The following GPR158 variants were observed in gnomAD, a reference collection of about 807,000 sequenced individuals.
The protein encoded by GPR158 is metabotropic glycine receptor.
GPR158 carries 30 observed loss-of-function variants against 78.2 expected under a neutral mutation model. That is an observed-to-expected ratio of 0.38 (90% confidence interval 0.29 to 0.52). The LOEUF (loss-of-function observed/expected upper bound fraction) is 0.52, where lower values mean the gene tolerates loss of function less well. Ranked by LOEUF, GPR158 falls within the 20% of genes least tolerant of loss-of-function variation. The pLI is 0.83. For missense variants in GPR158, 1,463 were observed against 1,523.5 expected, an observed-to-expected ratio of 0.96 and a Z score of 0.66; for synonymous variants, 581 against 591.1, an observed-to-expected ratio of 0.98 and a Z score of 0.25.
intron 2 of GPR158, among the ~76,000 whole-genome samples, chr10:25,377,666 G>A (rs563476988): frequency 1.3e-4 from 19 of 151,838 alleles, no homozygotes; most frequent in Admixed American, 5.9e-4. Flanking sequence ...TTCACCTAGC[G>A]TACTTTTTTG....
chr10:25,514,697 G>C (rs998696616), intron 5 of GPR158, among the ~76,000 whole-genome samples: 1 of 152,136 alleles, frequency 6.6e-6, no homozygotes, highest in Non-Finnish European at 1.5e-5. Context: ...AGCAGTTCTT[G>C]TAGTGCTGGC....
intron 2 of GPR158, among the ~76,000 whole-genome samples, chr10:25,347,540 C>G (rs922892954): frequency 9.9e-5 from 15 of 152,098 alleles, no homozygotes; most frequent in African/African-American, 3.6e-4. Context: ...CATCATTATA[C>G]AAGCTATTTT....
chr10:25,520,908 C>G lies in GPR158; in HGVS notation c.1405-30068C>G, dbSNP rs377567125. Among the ~76,000 whole-genome samples the G allele has an allele frequency of 9.7e-3, 1,480 of 152,286 alleles. 118 individuals are homozygous for G. In the East Asian group the frequency reaches 0.14, roughly 15 times the overall value. On this transcript the variant is annotated intron_variant, in intron 5 of 10. Transcript: ENST00000376351. ...TGGGCTCCGCCCAGTTGGAGCTTCC[C>G]GGCTTCTTTGTTTACCTAAGCAAGC... is the stretch of plus-strand genomic sequence containing the variant.
chr10:25,493,498 T>TA (rs958889027), intron 5 of GPR158, among the ~76,000 whole-genome samples: 30 of 151,428 alleles, frequency 2.0e-4, no homozygotes, highest in South Asian at 1.0e-3. Flanking sequence ...GAGGGCTTTC[T>TA]AAAAAAAAAT....
chr10:25,289,547 C>A (rs1225000122), intron 2 of GPR158, among the ~76,000 whole-genome samples: 1 of 152,102 alleles, frequency 6.6e-6, no homozygotes, highest in Non-Finnish European at 1.5e-5. Context: ...ATTCTCCTGC[C>A]TCAGCCTCCC....
At chr10:25,583,085 G>A (rs1169478362) in intron 7 of GPR158, among the ~76,000 whole-genome samples, 1 of 152,214 alleles carries the variant, frequency 6.6e-6, no homozygotes, top group African/African-American at 2.4e-5. Context: ...GAGTGCAGCT[G>A]GAGAACGGAG....
At chr10:25,531,623 T>C (rs1165962501) in intron 5 of GPR158, among the ~76,000 whole-genome samples, 1 of 127,420 alleles carries the variant, frequency 7.8e-6, no homozygotes, top group Non-Finnish European at 1.9e-5. Flanking sequence ...GTCATAGGAT[T>C]TGGTATTATT....
chr10:25,334,898 T>G (rs950501106), intron 2 of GPR158, among the ~76,000 whole-genome samples: 17 of 152,054 alleles, frequency 1.1e-4, no homozygotes, highest in African/African-American at 3.9e-4. Context: ...CTTTCAAATG[T>G]GTCTTCATTG....
intron 6 of GPR158, among the ~76,000 whole-genome samples, chr10:25,569,608 C>A (rs182608985): frequency 1.3e-5 from 2 of 152,290 alleles, no homozygotes; most frequent in African/African-American, 4.8e-5. Context: ...TCCTGCCAAC[C>A]AGTTCCCCCT....
chr10:25,312,269 T>C (rs1394514624), intron 2 of GPR158, among the ~76,000 whole-genome samples: 1 of 152,030 alleles, frequency 6.6e-6, no homozygotes, highest in African/African-American at 2.4e-5. Flanking sequence ...CTTTGTTATA[T>C]ATATATCAGA....
At chr10:25,358,140 A>G (rs566819932) in intron 2 of GPR158, among the ~76,000 whole-genome samples, 18 of 152,102 alleles carry the variant, frequency 1.2e-4, no homozygotes, top group African/African-American at 4.3e-4. Flanking sequence ...CATTTACTAT[A>G]GCTTTATTTA....
In GPR158 at chr10:25,398,457, T is replaced by G. The variant is rs73608288; in HGVS notation, c.1111+2444T>G. Among the ~76,000 whole-genome samples the G allele has an allele frequency of 4.3e-3, 656 of 152,334 alleles. 7 individuals carry two copies. Among genetic ancestry groups the G allele is most frequent in the African/African-American group, 0.015 (618 of 41,578 alleles). ...AGGGAAAAGGTTTTAGCTTATGTTCTGTGAAGGTATTTTGTATCTGGTTTA... is the reference window on the plus strand; with the variant it reads ...AGGGAAAAGGTTTTAGCTTATGTTCGGTGAAGGTATTTTGTATCTGGTTTA... On this transcript the variant is annotated intron_variant, in intron 3 of 10. Transcript: ENST00000376351.
intron 2 of GPR158, among the ~76,000 whole-genome samples, chr10:25,232,655 G>A (rs866027020): frequency 1.8e-4 from 27 of 152,032 alleles, no homozygotes; most frequent in South Asian, 6.2e-4. Context: ...CTCCCCAAGG[G>A]CCTATAGATT....
At chr10:25,354,451 C>G (rs1855520074) in intron 2 of GPR158, among the ~76,000 whole-genome samples, 1 of 151,928 alleles carries the variant, frequency 6.6e-6, no homozygotes, top group African/African-American at 2.4e-5. Flanking sequence ...ACTCTCTACA[C>G]TTTAGCTCCA....
At chr10:25,467,497 G>T (rs1262508294) in intron 5 of GPR158, among the ~76,000 whole-genome samples, 1 of 152,068 alleles carries the variant, frequency 6.6e-6, no homozygotes, top group Non-Finnish European at 1.5e-5. Flanking sequence ...CATGTTCTAG[G>T]GTAAAAATAT....
rs758593687 is a variant in GPR158 at position 25,175,664 on chromosome 10, G to C, written c.244G>C (p.Val82Leu). 3.7e-6 allele frequency: 6 copies of C among 1,611,360 alleles called. No homozygotes were observed. The African/African-American group carries it at 5.3e-5, about 14-fold the overall frequency. Residue 82 changes from valine (V) to leucine (L), a missense_variant, in exon 1 of 11, where the codon GTG (valine) becomes CTG (leucine). Transcript: ENST00000376351. This position sits in a 1 kb window ranked among gnomAD's most constrained non-coding sequence, Gnocchi z 6.4. ...ACTCGCCGAGGAGGTGCCCATGGAC[G>C]TGGCCTCTTACCTCTACACCGGGGA... ...QKLAEEVPMDVASYLYTGDSH... is the reference protein window; with the variant it reads ...QKLAEEVPMDLASYLYTGDSH...
chr10:25,283,897 G>A (rs140265227), intron 2 of GPR158, among the ~76,000 whole-genome samples: 1,827 of 151,920 alleles, frequency 0.012, 27 homozygotes, highest in South Asian at 0.058. Context: ...TTATAATTAT[G>A]TTAATTTTAA....
At chr10:25,352,466 A>T (rs1483555041) in intron 2 of GPR158, among the ~76,000 whole-genome samples, 1 of 152,166 alleles carries the variant, frequency 6.6e-6, no homozygotes, top group Admixed American at 6.5e-5. Flanking sequence ...AGAACCTTCC[A>T]CATAAGGTTT....
At chr10:25,383,500 A>C (rs773182350) in intron 2 of GPR158, among the ~76,000 whole-genome samples, 1 of 152,188 alleles carries the variant, frequency 6.6e-6, no homozygotes, top group Non-Finnish European at 1.5e-5. Flanking sequence ...GTTTTCAGGA[A>C]ATTTAGGCGG....
Sources: gnomAD v4.1 joint callset for allele counts (sites outside exome capture counted in the v4.1 genomes callset) on GRCh38, gnomAD v4.1.1 for gene constraint, Gnocchi (gnomAD v3.1) non-coding constraint, MANE v1.5 for transcripts, NCBI Gene and HGNC (gene_info 2026-07-23, HGNC 2026-07-21) for gene names.